Variants in C10orf90 observed in about 807,000 individuals in gnomAD.
C10orf90 encodes the protein chromosome 10 open reading frame 90, also known as (E2-independent) E3 ubiquitin-conjugating enzyme FATS.
A neutral mutation model predicts 62.5 loss-of-function variants in C10orf90; 56 were observed. The observed-to-expected ratio is 0.90, with a 90% CI of 0.72 to 1.12. The LOEUF (loss-of-function observed/expected upper bound fraction) is 1.12, where lower values mean the gene tolerates loss of function less well. Among genes scored for constraint, C10orf90 ranks in the 50% most tolerant of loss-of-function variants. C10orf90 has a pLI of 0.00. For missense variants in C10orf90, 970 were observed against 880.4 expected (o/e 1.10, Z -1.29); for synonymous variants, 386 against 340.4 (o/e 1.13, Z -1.47).
intron 2 of C10orf90, among the ~76,000 whole-genome samples, chr10:126,571,616 T>C (rs1214337528): frequency 6.6e-6 from 1 of 152,150 alleles, no homozygotes; most frequent in Non-Finnish European, 1.5e-5. Flanking sequence ...TCATTTCTCC[T>C]CCTGGCTTGA....
intron 2 of C10orf90, among the ~76,000 whole-genome samples, chr10:126,590,924 A>G (rs531977548): frequency 6.6e-6 from 1 of 152,366 alleles, no homozygotes; most frequent in East Asian, 1.9e-4. Flanking sequence ...ATCTATATGC[A>G]CATAAACTAG....
chr10:126,433,731 C>A (rs933164930), intron 7 of C10orf90, among the ~76,000 whole-genome samples: 2 of 151,718 alleles, frequency 1.3e-5, no homozygotes, highest in Non-Finnish European at 2.9e-5. Context: ...CAAAACAAAA[C>A]GAAAACAAAA....
intron 7 of C10orf90, among the ~76,000 whole-genome samples, chr10:126,433,721 C>G (rs1298688076): frequency 1.3e-5 from 2 of 151,792 alleles, no homozygotes; most frequent in Non-Finnish European, 2.9e-5. Flanking sequence ...GAAAACAAAA[C>G]AAAACAAAAC....
chr10:126,664,882 T>C (rs1297485359), intron 1 of C10orf90, among the ~76,000 whole-genome samples: 2 of 152,198 alleles, frequency 1.3e-5, no homozygotes, highest in Non-Finnish European at 2.9e-5. Flanking sequence ...GCAGCTCCAG[T>C]TGACAGGTGC....
intron 4 of C10orf90, chr10:126,470,040 C>T (rs976604754): frequency 7.0e-5 from 32 of 456,152 alleles, no homozygotes; most frequent in Non-Finnish European, 1.3e-4. Context: ...CTGCAGGATG[C>T]ATGCTGCAGA....
At chr10:126,640,102 G>T (rs539865800) in intron 2 of C10orf90, among the ~76,000 whole-genome samples, 2 of 152,356 alleles carry the variant, frequency 1.3e-5, no homozygotes, top group East Asian at 3.9e-4. Flanking sequence ...ACAGGAAGCA[G>T]GAGTAAATGC....
At chr10:126,606,332 C>T (rs547515548) in intron 2 of C10orf90, among the ~76,000 whole-genome samples, 3 of 152,282 alleles carry the variant, frequency 2.0e-5, no homozygotes, top group East Asian at 3.9e-4. Flanking sequence ...GCAGAGAAAA[C>T]GATTATGGCT....
intron 2 of C10orf90, among the ~76,000 whole-genome samples, chr10:126,532,864 G>A (rs1864140077): frequency 1.3e-5 from 1 of 75,892 alleles, no homozygotes; most frequent in Non-Finnish European, 2.8e-5. Context: ...AAAATAGTGA[G>A]CACAAAACAA....
chr10:126,621,642 T>C lies in C10orf90; in HGVS notation c.313+24923A>G, dbSNP rs1045380672. The stretch of plus-strand genomic sequence containing the variant: ...TATGATAATGATGACATATGGTATA[T>C]TTATTTTTAGTGGCATCTGCCATGA... On this transcript the variant is annotated intron_variant, in intron 2 of 9. Coordinates refer to ENST00000488181, the MANE Select transcript of C10orf90 (RefSeq NM_001350921.2). Among the ~76,000 whole-genome samples, 4 of 152,244 alleles carry C rather than the reference T, an allele frequency of 2.6e-5. No homozygotes were observed. In the South Asian group the frequency reaches 8.3e-4, roughly 32 times the overall value.
chr10:126,606,594 GGAGTCCCACCTCC>G lies in C10orf90; in HGVS notation c.313+39958_313+39970del, dbSNP rs541252326. Among the ~76,000 whole-genome samples, 15 of 152,260 alleles carry G rather than the reference GGAGTCCCACCTCC, an allele frequency of 9.9e-5. 1 individual carries two copies. The South Asian group carries it at 2.5e-3, about 25-fold the overall frequency. ...AAAAGGTACAGGCATTCCATCTGCTGGAGTCCCACCTCCGAGGAACTTTGAGCAGCTCTGATGA... is the reference window on the plus strand; with the variant it reads ...AAAAGGTACAGGCATTCCATCTGCTGGAGGAACTTTGAGCAGCTCTGATGA... On this transcript the variant is annotated intron_variant, in intron 2 of 9. Coordinates refer to ENST00000488181, the MANE Select transcript of C10orf90 (RefSeq NM_001350921.2).
intron 2 of C10orf90, among the ~76,000 whole-genome samples, chr10:126,542,128 A>G (rs1190903248): frequency 1.3e-5 from 2 of 152,208 alleles, no homozygotes; most frequent in Non-Finnish European, 2.9e-5. Context: ...ATTTACAGAG[A>G]TGGAAAGCAG....
At chr10:126,469,101 G>A (rs1021901372) in intron 4 of C10orf90, among the ~76,000 whole-genome samples, 1 of 152,160 alleles carries the variant, frequency 6.6e-6, no homozygotes, top group Non-Finnish European at 1.5e-5. Flanking sequence ...CAGCAAGACT[G>A]TCAGTCACAT....
chr10:126,600,179 A>G (rs1564887672), intron 2 of C10orf90, among the ~76,000 whole-genome samples: 8 of 152,048 alleles, frequency 5.3e-5, no homozygotes. Flanking sequence ...GTGTGTGCAC[A>G]CGTGTGTGTG....
At chr10:126,643,857 G>A (rs956959494) in intron 2 of C10orf90, among the ~76,000 whole-genome samples, 1 of 152,176 alleles carries the variant, frequency 6.6e-6, no homozygotes, top group African/African-American at 2.4e-5. Context: ...GGAAACACGG[G>A]CTCTAGTCCT....
intron 4 of C10orf90, among the ~76,000 whole-genome samples, chr10:126,487,462 A>C (rs1861502556): frequency 1.3e-5 from 2 of 152,212 alleles, no homozygotes; most frequent in East Asian, 3.9e-4. Context: ...TCTCCATAGC[A>C]ATAGTGGAAG....
chr10:126,611,400 T>C (rs1020980870), intron 2 of C10orf90, among the ~76,000 whole-genome samples: 1 of 152,246 alleles, frequency 6.6e-6, no homozygotes. Flanking sequence ...CGTTTATCAG[T>C]TGATGGACAT....
At chr10:126,624,228 C>G (rs1213999101) in intron 2 of C10orf90, among the ~76,000 whole-genome samples, 2 of 152,092 alleles carry the variant, frequency 1.3e-5, no homozygotes, top group Non-Finnish European at 2.9e-5. Context: ...TGCCTGTAGT[C>G]CCAGCTAATG....
intron 4 of C10orf90, chr10:126,470,129 G>A (rs1267256298): frequency 4.7e-6 from 2 of 429,096 alleles, no homozygotes; most frequent in Non-Finnish European, 9.5e-6. Context: ...TCCTGCAGTG[G>A]AGGAAAAGGC....
At chr10:126,569,911 A>AAAAAGAAAAG (rs146138997) in intron 2 of C10orf90, among the ~76,000 whole-genome samples, 28 of 152,102 alleles carry the variant, frequency 1.8e-4, no homozygotes, top group Non-Finnish European at 4.4e-5. Flanking sequence ...TTCAAGCTTA[A>AAAAAGAAAAG]AAAAGAAAAG....
Sources: allele counts gnomAD v4.1 joint callset (sites outside exome capture counted in the v4.1 genomes callset), GRCh38; gene constraint gnomAD v4.1.1; transcripts MANE v1.5; gene names NCBI Gene and HGNC (gene_info 2026-07-23, HGNC 2026-07-21).